ZNF804B: variants seen among roughly 807,000 people sequenced by gnomAD.
ZNF804B encodes the protein zinc finger protein 804B.
In ZNF804B, 80 loss-of-function variants were observed where a neutral mutation model predicts 101.4. The observed-to-expected ratio is 0.79, with a 90% confidence interval of 0.66 to 0.95. ZNF804B has a LOEUF of 0.95. Among genes scored for constraint, ZNF804B ranks in the 40% least tolerant of loss-of-function variants. ZNF804B has a pLI of 0.00. For missense variants in ZNF804B, 1,673 were observed against 1,561.9 expected (o/e 1.07, Z -1.20); for synonymous variants, 622 against 558.8 (o/e 1.11, Z -1.59).
intron 2 of ZNF804B, among the ~76,000 whole-genome samples, chr7:89,230,255 G>A (rs1334122944): frequency 6.6e-6 from 1 of 151,722 alleles, no homozygotes; most frequent in Non-Finnish European, 1.5e-5. Flanking sequence ...AAAAGATACA[G>A]TTAATGTATC....
At chr7:89,099,368 A>G (rs57685323) in intron 1 of ZNF804B, among the ~76,000 whole-genome samples, 3,459 of 152,256 alleles carry the variant, frequency 0.023, 159 homozygotes, top group African/African-American at 0.079. Context: ...TTATTTTCCC[A>G]AAAATGTTAC....
intron 1 of ZNF804B, among the ~76,000 whole-genome samples, chr7:89,031,910 T>G (rs527951715): frequency 1.3e-5 from 2 of 152,142 alleles, no homozygotes; most frequent in Admixed American, 6.6e-5. Context: ...ATGGAATTGT[T>G]TAGCGTAGCT....
At chr7:89,142,381 T>C (rs1790730436) in intron 1 of ZNF804B, among the ~76,000 whole-genome samples, 1 of 152,002 alleles carries the variant, frequency 6.6e-6, no homozygotes, top group South Asian at 2.1e-4. Flanking sequence ...TAAGAACATA[T>C]TATTGTTCTT....
At chr7:89,322,406 T>C (rs1790834645) in intron 2 of ZNF804B, among the ~76,000 whole-genome samples, 2 of 152,148 alleles carry the variant, frequency 1.3e-5, no homozygotes, top group Non-Finnish European at 2.9e-5. Flanking sequence ...CAAAATTGTA[T>C]TAAAATAGAA....
intron 1 of ZNF804B, among the ~76,000 whole-genome samples, chr7:88,845,725 A>C (rs1338071239): frequency 6.6e-6 from 1 of 152,180 alleles, no homozygotes; most frequent in East Asian, 1.9e-4. Context: ...TCATCTCTAA[A>C]ATCTTCCCTG....
chr7:88,802,034 T>A (rs1378018435), intron 1 of ZNF804B, among the ~76,000 whole-genome samples: 2 of 152,074 alleles, frequency 1.3e-5, no homozygotes, highest in Admixed American at 6.6e-5. Flanking sequence ...GTTTCCCTCA[T>A]GCTGCTCTGG....
intron 1 of ZNF804B, among the ~76,000 whole-genome samples, chr7:88,934,544 G>A (rs538271504): frequency 6.6e-6 from 1 of 150,978 alleles, no homozygotes; most frequent in Non-Finnish European, 1.5e-5. Flanking sequence ...AACTCAAATC[G>A]GCAAGAAAAA....
rs577749917 is a variant in ZNF804B, at chr7:88,810,701, G to A, written c.108+50617G>A. Among the ~76,000 whole-genome samples, 144 of 151,532 alleles carry A rather than the reference G, an allele frequency of 9.5e-4. No homozygotes were observed. In the Middle Eastern group the frequency reaches 0.014, roughly 14 times the overall value. ...AAAAAGCATAAAAAAGTATTAAAGC[G>A]TAAACAATAAAGCAATAGCTTTATG... On this transcript the variant is annotated intron_variant, in intron 1 of 3. Coordinates refer to ENST00000333190, the MANE Select transcript of ZNF804B (RefSeq NM_181646.5).
chr7:89,248,685 A>G (rs1789488601), intron 2 of ZNF804B, among the ~76,000 whole-genome samples: 1 of 152,178 alleles, frequency 6.6e-6, no homozygotes, highest in South Asian at 2.1e-4. Context: ...CCACAAAAAT[A>G]CACTTAAGTA....
At chr7:89,188,270 A>G (rs1788404249) in intron 1 of ZNF804B, among the ~76,000 whole-genome samples, 1 of 152,038 alleles carries the variant, frequency 6.6e-6, no homozygotes, top group East Asian at 1.9e-4. Flanking sequence ...TTTATATTGT[A>G]ATTGTTTGGA....
chr7:88,970,452 T>A (rs956779326), intron 1 of ZNF804B, among the ~76,000 whole-genome samples: 22 of 151,552 alleles, frequency 1.5e-4, no homozygotes, highest in Admixed American at 5.3e-4. Flanking sequence ...AAACATTTTA[T>A]AATAAGTAAA....
intron 1 of ZNF804B, among the ~76,000 whole-genome samples, chr7:89,199,893 T>TAG (rs1223346521): frequency 6.7e-6 from 1 of 148,388 alleles, no homozygotes; most frequent in African/African-American, 2.4e-5. Context: ...ATATAATATA[T>TAG]GTATAATATA....
chr7:89,194,287 C>A (rs1788508839), intron 1 of ZNF804B, among the ~76,000 whole-genome samples: 1 of 152,066 alleles, frequency 6.6e-6, no homozygotes, highest in African/African-American at 2.4e-5. Flanking sequence ...GATGGTATTT[C>A]TTTTGCTGTG....
chr7:88,843,851 T>C (rs1291443838), intron 1 of ZNF804B, among the ~76,000 whole-genome samples: 2 of 152,174 alleles, frequency 1.3e-5, no homozygotes, highest in African/African-American at 4.8e-5. Context: ...TTTAAAAACA[T>C]TTTATGCAAA....
At chr7:89,271,456 G>A (rs1789893040) in intron 2 of ZNF804B, among the ~76,000 whole-genome samples, 1 of 152,136 alleles carries the variant, frequency 6.6e-6, no homozygotes, top group Non-Finnish European at 1.5e-5. Flanking sequence ...ATATGTTGCT[G>A]GATTCAGTTT....
intron 1 of ZNF804B, among the ~76,000 whole-genome samples, chr7:89,085,729 C>T (rs1274241294): frequency 6.6e-6 from 1 of 151,912 alleles, no homozygotes; most frequent in Non-Finnish European, 1.5e-5. Flanking sequence ...CTTCTGATTA[C>T]AGTAGTTAAA....
chr7:88,777,025 A>G (rs1307805076), intron 1 of ZNF804B, among the ~76,000 whole-genome samples: 2 of 152,136 alleles, frequency 1.3e-5, no homozygotes, highest in Non-Finnish European at 2.9e-5. Flanking sequence ...GGAAGGGCAA[A>G]GGGGAAAGTG....
At position 89,335,030 on chromosome 7, in the gene ZNF804B, G is replaced by C; in HGVS notation, c.2048G>C (p.Ser683Thr). 1 of 1,613,820 alleles carries C rather than the reference G, an allele frequency of 6.2e-7. No homozygotes were observed. Among genetic ancestry groups the C allele is most frequent in the Middle Eastern group, 1.7e-4 (1 of 6,060 alleles). The change falls in exon 4 of 4, where the codon AGC (serine) becomes ACC (threonine). Residue 683 changes from serine (S) to threonine (T), a missense_variant. Coordinates refer to ENST00000333190, the MANE Select transcript of ZNF804B (RefSeq NM_181646.5). ...FSVILKSNHI[S>T]MTSKVSGCGN... ...GTAATTTTGAAGAGTAACCACATCAGCATGACCAGCAAGGTTTCCGGATGT... is the reference window on the plus strand; with the variant it reads ...GTAATTTTGAAGAGTAACCACATCACCATGACCAGCAAGGTTTCCGGATGT...
chr7:89,185,261 T>C (rs1788358280), intron 1 of ZNF804B, among the ~76,000 whole-genome samples: 1 of 152,150 alleles, frequency 6.6e-6, no homozygotes, highest in South Asian at 2.1e-4. Context: ...TGATTTGGAC[T>C]TTGAAGGAAA....
Sources: allele counts gnomAD v4.1 joint callset (sites outside exome capture counted in the v4.1 genomes callset), GRCh38; gene constraint gnomAD v4.1.1; transcripts MANE v1.5; gene names NCBI Gene and HGNC (gene_info 2026-07-23, HGNC 2026-07-21).